Variants in PLEKHA7 observed in about 807,000 individuals in gnomAD.
PLEKHA7 encodes pleckstrin homology domain containing A7.
PLEKHA7 carries 104 observed loss-of-function variants against 170.0 expected under a neutral mutation model. The observed-to-expected ratio is 0.61, with a 90% CI of 0.52 to 0.72. PLEKHA7 has a LOEUF of 0.72. Among genes scored for constraint, PLEKHA7 ranks in the 30% least tolerant of loss-of-function variants. PLEKHA7 has a pLI of 0.00. For synonymous variants in PLEKHA7, 648 were observed against 660.8 expected (o/e 0.98, Z 0.30); for missense variants, 1,615 against 1,671.7 (o/e 0.97, Z 0.59).
chr11:16,852,667 T>A (rs183094325), intron 6 of PLEKHA7, among the ~76,000 whole-genome samples: 7 of 152,360 alleles, frequency 4.6e-5, no homozygotes, highest in Non-Finnish European at 8.8e-5. Flanking sequence ...TTTTGTTTGT[T>A]TGTTTCTTAT....
chr11:16,852,394 C>G (rs749387325), intron 6 of PLEKHA7, 39 bp from the exon 7 acceptor site: 1 of 1,581,794 alleles, frequency 6.3e-7, no homozygotes, highest in East Asian at 2.2e-5. Flanking sequence ...AATATCTGAG[C>G]ATACTGTTGT....
chr11:16,859,512 G>A (rs1451424619), intron 4 of PLEKHA7, among the ~76,000 whole-genome samples: 1 of 152,214 alleles, frequency 6.6e-6, no homozygotes, highest in African/African-American at 2.4e-5. Context: ...TGGGTAATGA[G>A]CAGTGGGACA....
At chr11:16,997,109 G>A (rs1164592206) in intron 3 of PLEKHA7, among the ~76,000 whole-genome samples, 1 of 152,086 alleles carries the variant, frequency 6.6e-6, no homozygotes, top group Non-Finnish European at 1.5e-5. Flanking sequence ...CTGCCCCAAG[G>A]CTGTGCTTCT....
At chr11:16,803,103 G>A (rs1848709742) in intron 14 of PLEKHA7, 51 bp from the exon 15 acceptor site, 1 of 1,570,994 alleles carries the variant, frequency 6.4e-7, no homozygotes, top group Non-Finnish European at 8.8e-7. Flanking sequence ...AAAAGGACAT[G>A]ACCTTGGGAT....
chr11:16,821,377 C>T (rs1850203479), intron 10 of PLEKHA7, among the ~76,000 whole-genome samples: 1 of 152,110 alleles, frequency 6.6e-6, no homozygotes, highest in Non-Finnish European at 1.5e-5. Flanking sequence ...AAATGAAAGC[C>T]TAAAATTTCA....
In PLEKHA7 at chr11:16,800,205, GA is replaced by G. The variant is rs771705931; in HGVS notation, c.2409+768del. ...AGAAGATATAGATCTTAAGTCAGGG[GA>G]GAAAAAAACAGGTTATTTTCCACTT... is the stretch of plus-strand genomic sequence containing the variant. On this transcript the variant is annotated intron_variant, in intron 17 of 26. Transcript: ENST00000531066. Among the ~76,000 whole-genome samples the G allele has an allele frequency of 6.4e-4, 97 of 152,270 alleles. 1 individual carries two copies. Among genetic ancestry groups the G allele is most frequent in the Middle Eastern group, 3.4e-3 (1 of 294 alleles).
intron 3 of PLEKHA7, among the ~76,000 whole-genome samples, chr11:16,889,466 G>A (rs1856476178): frequency 7.1e-6 from 1 of 140,926 alleles, no homozygotes. Flanking sequence ...GCTGGCCATG[G>A]TGGCACACAC....
At chr11:16,962,176 G>C (rs1264017835) in intron 3 of PLEKHA7, among the ~76,000 whole-genome samples, 1 of 152,234 alleles carries the variant, frequency 6.6e-6, no homozygotes. Context: ...CAAAGTGCTA[G>C]AGACAGACTG....
intron 3 of PLEKHA7, among the ~76,000 whole-genome samples, chr11:16,979,228 C>T (rs1479646847): frequency 6.6e-6 from 1 of 152,168 alleles, no homozygotes; most frequent in African/African-American, 2.4e-5. Flanking sequence ...CGGGATTTCA[C>T]CATGTTGGCC....
intron 12 of PLEKHA7, among the ~76,000 whole-genome samples, chr11:16,814,986 C>T (rs1403388145): frequency 6.6e-6 from 1 of 152,246 alleles, no homozygotes; most frequent in African/African-American, 2.4e-5. Flanking sequence ...CAGCCCCCCT[C>T]CCCAGTGCCA....
At chr11:17,000,699 A>G (rs4757481) in intron 3 of PLEKHA7, among the ~76,000 whole-genome samples, 150,646 of 152,336 alleles carry the variant, frequency 0.99, 74,511 homozygotes, top group East Asian at 1. Flanking sequence ...GCCAGATACC[A>G]TTCTAAGTTG....
chr11:16,807,247 T>TA, intron 13 of PLEKHA7: 1 of 956,466 alleles, frequency 1.0e-6, no homozygotes, highest in Non-Finnish European at 1.2e-6. Context: ...AAAAGGCAGA[T>TA]ACAACAAAAC....
In PLEKHA7 at chr11:16,794,652, T is replaced by C. The variant is rs1322777696; in HGVS notation, c.2581A>G (p.Lys861Glu). Residue 861 changes from lysine to glutamate, a missense_variant, in exon 19 of 27, where the codon AAG becomes GAG. By Grantham distance (56) the Lys-to-Glu change is moderately conservative. Coordinates refer to ENST00000531066, the MANE Select transcript of PLEKHA7 (RefSeq NM_001329630.2). Reference sequence around the variant, plus strand: ...GGAGGACTGGGCTGTGGGGGCGGCTTGCTCTCAGAAGTTGAGAGTGAAGGC... The same window carrying C: ...GGAGGACTGGGCTGTGGGGGCGGCTCGCTCTCAGAAGTTGAGAGTGAAGGC... ...PVPSLSTSES[K>E]PPPQPSPPTS... The C allele has an allele frequency of 6.2e-7, 1 of 1,613,946 alleles. No homozygotes were observed. The highest frequency in any genetic ancestry group is 1.1e-5 in the South Asian group (1 of 91,082).
chr11:16,966,846 A>G (rs1329655369), intron 3 of PLEKHA7, among the ~76,000 whole-genome samples: 1 of 152,098 alleles, frequency 6.6e-6, no homozygotes, highest in African/African-American at 2.4e-5. Flanking sequence ...GTCCACCTGG[A>G]GCCTGCCTGA....
Position 16,907,551 on chromosome 11 carries a change from G to A in PLEKHA7, c.222-36369C>T, listed in dbSNP as rs1159573695. Among the ~76,000 whole-genome samples, 4 of 122,032 alleles carry A rather than the reference G, an allele frequency of 3.3e-5. No homozygotes were observed. The East Asian group carries it at 9.2e-4, about 28-fold the overall frequency. 80.1% of individuals were successfully genotyped at this position (122,032 alleles called of 152,430 possible). A position where few individuals can be genotyped will look rare whatever the true frequency, so the allele number is the denominator to read the frequency against. ...CCCCGCCCAGCCAGCCGCCCCGTCC[G>A]GGAGGGAGGCGGGGGGGTCAGCCCC... On this transcript the variant is annotated intron_variant, in intron 3 of 26. Transcript: ENST00000531066.
chr11:16,886,927 T>C (rs1856154156), intron 3 of PLEKHA7, among the ~76,000 whole-genome samples: 1 of 152,124 alleles, frequency 6.6e-6, no homozygotes, highest in South Asian at 2.1e-4. Context: ...TGTAACAGCT[T>C]AGTTTCTATA....
At chr11:16,804,745 T>C (rs1848830500) in intron 13 of PLEKHA7, among the ~76,000 whole-genome samples, 1 of 152,266 alleles carries the variant, frequency 6.6e-6, no homozygotes, top group Non-Finnish European at 1.5e-5. Context: ...GTCAGTGTTG[T>C]TGAGTTCCCG....
At chr11:16,843,318 A>C (rs982373435) in intron 8 of PLEKHA7, among the ~76,000 whole-genome samples, 3 of 152,252 alleles carry the variant, frequency 2.0e-5, no homozygotes, top group Non-Finnish European at 2.9e-5. Context: ...ATGAGAACCA[A>C]TGAAAAACTA....
chr11:16,781,874 C>T (rs1849044465), intron 26 of PLEKHA7, among the ~76,000 whole-genome samples: 1 of 152,128 alleles, frequency 6.6e-6, no homozygotes, highest in South Asian at 2.1e-4. Context: ...CCACTTCAGG[C>T]TCTATGGCTG....
Sources: allele counts gnomAD v4.1 joint callset (sites outside exome capture counted in the v4.1 genomes callset), GRCh38; gene constraint gnomAD v4.1.1; transcripts MANE v1.5; gene names NCBI Gene and HGNC (gene_info 2026-07-23, HGNC 2026-07-21).